Variants in BRINP3 observed in about 807,000 individuals in gnomAD.
BRINP3 encodes BMP/retinoic acid inducible neural specific 3, also known as BMP/retinoic acid-inducible neural-specific protein 3.
BRINP3 carries 19 observed loss-of-function variants against 71.0 expected under a neutral mutation model. The observed-to-expected ratio is 0.27, with a 90% CI of 0.19 to 0.39. The LOEUF is 0.39. BRINP3 is among the 10% of genes least tolerant of loss of function. BRINP3 has a pLI of 1.00. For synonymous variants in BRINP3, 380 were observed against 337.7 expected (o/e 1.13, Z -1.37); for missense variants, 959 against 940.8 (o/e 1.02, Z -0.25).
intron 2 of BRINP3, among the ~76,000 whole-genome samples, chr1:190,307,220 A>G (rs1377340068): frequency 6.8e-6 from 1 of 146,906 alleles, no homozygotes; most frequent in Non-Finnish European, 1.5e-5. Flanking sequence ...GTTTTTTTTA[A>G]TGCCCTATGA....
intron 2 of BRINP3, among the ~76,000 whole-genome samples, chr1:190,408,208 T>A (rs879410692): frequency 0.17 from 6,624 of 39,408 alleles, 273 homozygotes; most frequent in Middle Eastern, 0.35. Flanking sequence ...TATTTATTTT[T>A]TTTTTTTTTG....
At chr1:190,152,541 C>A (rs1390930298) in intron 7 of BRINP3, among the ~76,000 whole-genome samples, 1 of 131,478 alleles carries the variant, frequency 7.6e-6, no homozygotes, top group Admixed American at 7.9e-5. Flanking sequence ...ACCCCCCCCC[C>A]GCCCCCCAAA....
At chr1:190,293,042 C>A (rs1663986332) in intron 2 of BRINP3, among the ~76,000 whole-genome samples, 1 of 151,364 alleles carries the variant, frequency 6.6e-6, no homozygotes, top group African/African-American at 2.4e-5. Flanking sequence ...CTGCTCTAAT[C>A]TTTACTATTT....
At position 190,167,749 on chromosome 1, in the gene BRINP3, A is replaced by G. The variant is rs143689726; in HGVS notation, c.962-6859T>C. On this transcript the variant is annotated intron_variant, in intron 6 of 7. Transcript: ENST00000367462. ...GAATTGATTTAAAATAATCTAAAGC[A>G]TAAACTTTTGCTTTCCCACCCCTGT... 2.9e-3 allele frequency among the ~76,000 whole-genome samples: 448 copies of G among 152,304 alleles called. 2 individuals are homozygous for G. The highest frequency in any genetic ancestry group is 6.1e-3 in the Admixed American group (93 of 15,288).
At chr1:190,220,286 G>A (rs182016134) in intron 6 of BRINP3, among the ~76,000 whole-genome samples, 124 of 152,094 alleles carry the variant, frequency 8.2e-4, no homozygotes, top group East Asian at 4.7e-3. Flanking sequence ...GCTAACTATC[G>A]TAAGATCAGA....
chr1:190,264,663 T>C lies in BRINP3; in HGVS notation c.618+202A>G, dbSNP rs573183849. Among the ~76,000 whole-genome samples the C allele has an allele frequency of 2.2e-4, 33 of 152,292 alleles. No individual in the cohort carries two copies. The East Asian group carries it at 5.6e-3, about 26-fold the overall frequency. ...CATTTAACCATGAAAAATCTTGACC[T>C]ACTTATCAAGTAAATATTATATTGA... On this transcript the variant is annotated intron_variant, in intron 4 of 7. Coordinates refer to ENST00000367462, the MANE Select transcript of BRINP3 (RefSeq NM_199051.3).
At chr1:190,472,444 G>T (rs1677198035) in intron 1 of BRINP3, among the ~76,000 whole-genome samples, 1 of 151,560 alleles carries the variant, frequency 6.6e-6, no homozygotes, top group Non-Finnish European at 1.5e-5. Context: ...TATTTTTCAA[G>T]AAAAAATATT....
At chr1:190,182,378 A>C (rs1207657416) in intron 6 of BRINP3, among the ~76,000 whole-genome samples, 3 of 152,032 alleles carry the variant, frequency 2.0e-5, no homozygotes, top group African/African-American at 7.2e-5. Context: ...TTTCTTTCAG[A>C]ATATTTTCTC....
At chr1:190,277,610 G>T (rs1662697001) in intron 3 of BRINP3, among the ~76,000 whole-genome samples, 1 of 151,344 alleles carries the variant, frequency 6.6e-6, no homozygotes, top group African/African-American at 2.4e-5. Flanking sequence ...CCTAATTAAA[G>T]CCCACCAATT....
intron 6 of BRINP3, among the ~76,000 whole-genome samples, chr1:190,170,799 T>C (rs1173812087): frequency 1.3e-5 from 2 of 152,194 alleles, no homozygotes; most frequent in Non-Finnish European, 2.9e-5. Context: ...TCATTAGTTA[T>C]AAGCAAAATT....
intron 2 of BRINP3, among the ~76,000 whole-genome samples, chr1:190,364,569 C>A (rs1166967333): frequency 6.6e-6 from 1 of 151,814 alleles, no homozygotes; most frequent in African/African-American, 2.4e-5. Context: ...AATGGTTACA[C>A]TTTGGAACAG....
At chr1:190,248,001 C>G (rs1263092836) in intron 4 of BRINP3, among the ~76,000 whole-genome samples, 2 of 151,826 alleles carry the variant, frequency 1.3e-5, no homozygotes, top group African/African-American at 4.8e-5. Context: ...ACAAAAGTAG[C>G]TCAATCCATC....
intron 3 of BRINP3, among the ~76,000 whole-genome samples, chr1:190,265,312 A>G (rs1661557803): frequency 6.6e-6 from 1 of 152,002 alleles, no homozygotes; most frequent in Non-Finnish European, 1.5e-5. Flanking sequence ...TCCAGATTTT[A>G]TTGACTTTCT....
intron 2 of BRINP3, among the ~76,000 whole-genome samples, chr1:190,296,934 G>A (rs1388506031): frequency 6.6e-6 from 1 of 152,022 alleles, no homozygotes; most frequent in Non-Finnish European, 1.5e-5. Context: ...ATTATCCAAT[G>A]TTTATGGATT....
intron 6 of BRINP3, among the ~76,000 whole-genome samples, chr1:190,203,756 T>A (rs1417778654): frequency 0.027 from 23 of 840 alleles, no homozygotes; most frequent in South Asian, 0.12. Context: ...AGAAAATATA[T>A]ATATATATAT....
At chr1:190,300,964 T>C (rs958941352) in intron 2 of BRINP3, among the ~76,000 whole-genome samples, 4 of 151,818 alleles carry the variant, frequency 2.6e-5, no homozygotes, top group African/African-American at 4.8e-5. Context: ...AGGCTTCAGA[T>C]GATCAAATTA....
At chr1:190,184,009 G>T (rs1264731520) in intron 6 of BRINP3, among the ~76,000 whole-genome samples, 3 of 151,942 alleles carry the variant, frequency 2.0e-5, no homozygotes, top group African/African-American at 7.3e-5. Context: ...GTTCCCATTG[G>T]TATTTTCAAG....
intron 6 of BRINP3, among the ~76,000 whole-genome samples, chr1:190,176,097 A>C (rs2990996): frequency 0.53 from 80,401 of 152,002 alleles, 22,599 homozygotes; most frequent in African/African-American, 0.74. Context: ...ACCATATAAC[A>C]ACAAGAAAGC....
intron 7 of BRINP3, among the ~76,000 whole-genome samples, chr1:190,121,548 A>G (rs1446028727): frequency 6.6e-6 from 1 of 152,192 alleles, no homozygotes; most frequent in Non-Finnish European, 1.5e-5. Context: ...CTACAAATAA[A>G]CACTAAAAAT....
Sources: allele counts gnomAD v4.1 joint callset (sites outside exome capture counted in the v4.1 genomes callset), GRCh38; gene constraint gnomAD v4.1.1; transcripts MANE v1.5; gene names NCBI Gene and HGNC (gene_info 2026-07-23, HGNC 2026-07-21).